The following OBSL1 variants were observed in gnomAD, a reference collection of about 807,000 sequenced individuals.
OBSL1 encodes obscurin-like protein 1.
A neutral mutation model predicts 172.0 loss-of-function variants in OBSL1; 160 were observed. The ratio of observed to expected loss-of-function variants is 0.93; its 90% CI spans 0.82 to 1.06. OBSL1 has a LOEUF of 1.06. Ranked by LOEUF, OBSL1 falls within the 50% of genes least tolerant of loss-of-function variation. OBSL1 has a pLI of 0.00. For missense variants in OBSL1, 2,681 were observed against 2,715.4 expected (o/e 0.99, Z 0.28); for synonymous variants, 1,200 against 1,196.3 (o/e 1.00, Z -0.06).
At chr2:219,551,250 G>A in intron 20 of OBSL1, 2 of 1,396,110 alleles carry the variant, frequency 1.4e-6, no homozygotes, top group Non-Finnish European at 1.9e-6. Context: ...GTTCAAGAGA[G>A]ACAAACATGG....
chr2:219,561,723 A>G, intron 8 of OBSL1: 1 of 630,150 alleles, frequency 1.6e-6, no homozygotes. Flanking sequence ...GTGTCACTGT[A>G]CATTTATTTG....
intron 16 of OBSL1, 50 bp from the exon 17 acceptor site, chr2:219,553,074 C>T (rs1280896985): frequency 4.2e-6 from 6 of 1,414,576 alleles, no homozygotes; most frequent in Non-Finnish European, 5.5e-6. Flanking sequence ...TGGGCACAGG[C>T]GACCCCGGCC....
chr2:219,567,175 G>T, intron 4 of OBSL1, 49 bp from the exon 5 acceptor site: 1 of 1,590,934 alleles, frequency 6.3e-7, no homozygotes, highest in South Asian at 1.1e-5. Context: ...GTGTGGCAGA[G>T]GGCAGAGGCT....
chr2:219,555,868 T>G, intron 14 of OBSL1, 152 bp downstream of exon 14: 2 of 1,444,764 alleles, frequency 1.4e-6, no homozygotes, highest in Non-Finnish European at 1.8e-6. Flanking sequence ...AAAAGAAAAG[T>G]TTTGCTTTGG....
At chr2:219,553,193 G>C (rs2106011911) in intron 16 of OBSL1, among the ~76,000 whole-genome samples, 169 bp from the exon 17 acceptor site, 1 of 152,322 alleles carries the variant, frequency 6.6e-6, no homozygotes, top group Non-Finnish European at 1.5e-5. Flanking sequence ...TTGGGGTCGT[G>C]CCAGGAGCCT....
Position 219,568,121 on chromosome 2 carries a change from C to A in OBSL1, c.1216G>T (p.Asp406Tyr), listed in dbSNP as rs1298030565. Residue 406 changes from aspartate to tyrosine, a missense_variant, in exon 2 of 21, where the codon GAT becomes TAT. Transcript: ENST00000404537. The surrounding 1 kb of genome is among the most constrained non-coding windows in gnomAD (Gnocchi z 4.1). ...RLIIHRLKAD[D>Y]DGIYLCEMRG... ...ATCTCGCACAGGTAGATACCATCAT[C>A]GTCTGCCTTCAGCCTGTGGATGATG... 7.4e-6 allele frequency: 12 copies of A among 1,613,844 alleles called. No homozygotes were observed. The highest frequency in any genetic ancestry group is 1.3e-5 in the African/African-American group (1 of 75,072).
At chr2:219,548,825 G>A (rs778845930), downstream of OBSL1, among the ~76,000 whole-genome samples, 2 of 152,148 alleles carry the variant, frequency 1.3e-5, no homozygotes, top group African/African-American at 4.8e-5. Context: ...GCAAGTGTAG[G>A]GGGAAACCAG....
At chr2:219,549,954 C>G (rs1184442850), downstream of OBSL1, 4 of 1,488,168 alleles carry the variant, frequency 2.7e-6, no homozygotes, top group East Asian at 9.1e-5. Context: ...GTCCCTCTCC[C>G]CAGCCTGGAG....
In OBSL1 at chr2:219,556,220, A is replaced by C; in HGVS notation, c.4409T>G (p.Val1470Gly). The C allele has an allele frequency of 7.5e-6, 12 of 1,609,448 alleles. No homozygotes were observed. The highest frequency in any genetic ancestry group is 1.0e-5 in the Non-Finnish European group (12 of 1,177,150). ...AEEGQDVCLE[V>G]ETGRVGAAGA... ...CGCTGCACCCACTCGGCCTGTCTCCACTTCGAGACACACATCCTGGCCTTC... is the reference window on the plus strand; with the variant it reads ...CGCTGCACCCACTCGGCCTGTCTCCCCTTCGAGACACACATCCTGGCCTTC... Residue 1470 changes from valine to glycine, a missense_variant, in exon 14 of 21, where the codon GTG becomes GGG. Val to Gly is a moderately radical substitution (Grantham distance 109, BLOSUM62 -3). Transcript: ENST00000404537.
chr2:219,564,417 C>T (rs1434154639), intron 6 of OBSL1, among the ~76,000 whole-genome samples: 2 of 152,246 alleles, frequency 1.3e-5, no homozygotes, highest in African/African-American at 2.4e-5. Flanking sequence ...TAACCTCTTA[C>T]AGCCTCCATT....
downstream of OBSL1, chr2:219,550,668 C>T (rs1695552004): frequency 2.3e-6 from 2 of 870,882 alleles, no homozygotes; most frequent in Non-Finnish European, 3.5e-6. Context: ...CAGTGTCGCT[C>T]ACTGCACAGG....
downstream of OBSL1, among the ~76,000 whole-genome samples, chr2:219,548,755 A>G (rs573596085): frequency 6.6e-6 from 1 of 152,256 alleles, no homozygotes; most frequent in East Asian, 1.9e-4. Flanking sequence ...GGGAGGATAG[A>G]ATCTAATTTA....
At position 219,562,620 on chromosome 2, in the gene OBSL1, C is replaced by T. The variant is rs767824497; in HGVS notation, c.2735G>A (p.Arg912His). The T allele has an allele frequency of 2.9e-5, 47 of 1,593,718 alleles. No individual in the cohort carries two copies. The highest frequency in any genetic ancestry group is 6.8e-5 in the South Asian group (6 of 88,744). ...ACAGGTCAGCACCACACGCTCCAGG[C>T]GCACGGCTGCCACATACACCTTGCC... ...PSGKVYVAAV[R>H]LERVVLTCEL... The change falls in exon 8 of 21, where the codon CGC becomes CAC. Residue 912 changes from arginine (R) to histidine (H), a missense_variant. Around this residue, in one of 5 missense-constraint regions of OBSL1, gnomAD observed 1,765 missense variants for 1,748.3 expected, o/e 1.01. Transcript: ENST00000404537.
Position 219,556,248 on chromosome 2 carries a change from C to T in OBSL1, c.4381G>A (p.Glu1461Lys), listed in dbSNP as rs1328996734. 6.3e-6 allele frequency: 10 copies of T among 1,599,018 alleles called. No individual in the cohort carries two copies. Among genetic ancestry groups the T allele is most frequent in the Non-Finnish European group, 8.6e-6 (10 of 1,169,274 alleles). ...FLRRLQDVRA[E>K]EGQDVCLEVE... ...TCGAGACACACATCCTGGCCTTCCTCTGCCCGCACATCCTGCAACCGCCGT... is the reference window on the plus strand; with the variant it reads ...TCGAGACACACATCCTGGCCTTCCTTTGCCCGCACATCCTGCAACCGCCGT... The change falls in exon 14 of 21, where the codon GAG (glutamate) becomes AAG (lysine). Residue 1461 changes from glutamate (E) to lysine (K), a missense_variant. Coordinates refer to ENST00000404537, the MANE Select transcript of OBSL1 (RefSeq NM_015311.3).
At chr2:219,550,098 G>A (rs1323381445), downstream of OBSL1, 1 of 503,840 alleles carries the variant, frequency 2.0e-6, no homozygotes, top group African/African-American at 1.9e-5. Context: ...GCTCAGGGTT[G>A]TGAGTGTGTT....
intron 20 of OBSL1, 26 bp from the exon 21 acceptor site, chr2:219,550,868 G>T: frequency 6.3e-7 from 1 of 1,577,824 alleles, no homozygotes; most frequent in Non-Finnish European, 8.6e-7. Context: ...TCCACATGGG[G>T]CTGGGGAGAG....
At position 219,562,425 on chromosome 2, in the gene OBSL1, G is replaced by A. The variant is rs1022979232; in HGVS notation, c.2930C>T (p.Ala977Val). Residue 977 changes from alanine (A) to valine (V), a missense_variant, in exon 8 of 21, where the codon GCC (alanine) becomes GTC (valine). Around this residue, in one of 5 missense-constraint regions of OBSL1, gnomAD observed 1,765 missense variants for 1,748.3 expected, o/e 1.01. Coordinates refer to ENST00000404537, the MANE Select transcript of OBSL1 (RefSeq NM_015311.3). ...ACCTGTGACGGTGACAGTGAAGGAG[G>A]CCGACTCATCGTCAATTTCACACAA... is the stretch of plus-strand genomic sequence containing the variant. ...EYLCEIDDES[A>V]SFTVTVTEPP... is the part of the protein sequence containing the mutation. 5.0e-6 allele frequency: 8 copies of A among 1,613,646 alleles called. No individual in the cohort carries two copies. Among genetic ancestry groups the A allele is most frequent in the Admixed American group, 3.3e-5 (2 of 60,000 alleles).
chr2:219,562,559 G>C lies in OBSL1; in HGVS notation c.2796C>G (p.Thr932=). 1.2e-6 allele frequency: 2 copies of C among 1,613,704 alleles called. No individual in the cohort carries two copies. The highest frequency in any genetic ancestry group is 1.7e-6 in the Non-Finnish European group (2 of 1,179,834). The change falls in exon 8 of 21, where the codon ACC becomes ACG. Residue 932 remains threonine, a synonymous_variant. Coordinates refer to ENST00000404537, the MANE Select transcript of OBSL1 (RefSeq NM_015311.3). The part of the protein sequence containing the change: ...LCRPWAEVRW[T]KDGEEVVESP... ...TCTCCACCACCTCCTCTCCATCCTTGGTCCAGCGCACCTCTGCCCAGGGCC... is the reference window on the plus strand; with the variant it reads ...TCTCCACCACCTCCTCTCCATCCTTCGTCCAGCGCACCTCTGCCCAGGGCC...
intron 12 of OBSL1, chr2:219,557,097 G>C: frequency 2.0e-6 from 1 of 496,534 alleles, no homozygotes; most frequent in Non-Finnish European, 3.5e-6. Flanking sequence ...CTGGGGCACA[G>C]AATCTAGGCT....
Sources: gnomAD v4.1 joint callset for allele counts (sites outside exome capture counted in the v4.1 genomes callset) on GRCh38, gnomAD v4.1.1 for gene constraint, gnomAD v4.1.1 regional missense constraint, Gnocchi (gnomAD v3.1) non-coding constraint, MANE v1.5 for transcripts, NCBI Gene and HGNC (gene_info 2026-07-23, HGNC 2026-07-21) for gene names.